The following TP53BP2 variants were observed in gnomAD, a reference collection of about 807,000 sequenced individuals.
TP53BP2 encodes apoptosis-stimulating of p53 protein 2.
Under a neutral mutation model 126.2 loss-of-function variants are expected in TP53BP2, and 62 were observed. The ratio of observed to expected loss-of-function variants is 0.49; its 90% CI spans 0.40 to 0.61. The LOEUF (loss-of-function observed/expected upper bound fraction) is 0.61, where lower values mean the gene tolerates loss of function less well. TP53BP2 is among the 20% of genes least tolerant of loss of function. TP53BP2 has a pLI of 0.00. For synonymous variants in TP53BP2, 485 were observed against 502.9 expected (o/e 0.96, Z 0.48); for missense variants, 1,215 against 1,402.8 (o/e 0.87, Z 2.14).
Position 223,799,984 on chromosome 1 carries a change from T to A in TP53BP2, c.1400A>T (p.Asp467Val). 1 of 1,613,516 alleles carries A rather than the reference T, an allele frequency of 6.2e-7. No individual in the cohort carries two copies. Among genetic ancestry groups the A allele is most frequent in the Non-Finnish European group, 8.5e-7 (1 of 1,179,756 alleles). The part of the protein sequence containing the change: ...EKKVRPFSMF[D>V]AVDQSNAPPS... ...TGGGGCATTGGACTGGTCTACTGCA[T>A]CAAACATTGAGAACGGACGCACTTT... is the stretch of plus-strand genomic sequence containing the variant. Residue 467 changes from aspartate to valine, a missense_variant, in exon 11 of 18, where the codon GAT (aspartate) becomes GTT (valine). This residue lies in a region of TP53BP2 where 814 missense variants were observed against 853.0 expected (regional missense o/e 0.95). Coordinates refer to ENST00000343537, the MANE Select transcript of TP53BP2 (RefSeq NM_001031685.3).
chr1:223,786,044 C>T (rs567132043), intron 16 of TP53BP2, among the ~76,000 whole-genome samples: 3 of 152,056 alleles, frequency 2.0e-5, no homozygotes, highest in Admixed American at 1.3e-4. Context: ...ACATGTCCTT[C>T]GAAAGCAGAA....
In TP53BP2 at chr1:223,845,847, CCAA is replaced by C. The variant is rs1333720665; in HGVS notation, c.-170_-168del. On this transcript the variant is annotated 5_prime_UTR_variant, in exon 1 of 18. Transcript: ENST00000343537. The stretch of plus-strand genomic sequence containing the variant: ...AGGGCCCTCCGCGCGGGCTGGGGCA[CCAA>C]CAAGCCCCGGGCTCCCCCGCCCCGG... 3 of 455,744 alleles carry C rather than the reference CCAA, an allele frequency of 6.6e-6. No homozygotes were observed. Among genetic ancestry groups the C allele is most frequent in the Non-Finnish European group, 1.0e-5 (3 of 294,870 alleles). 28.2% of individuals were successfully genotyped at this position (455,744 alleles called of 1,614,324 possible).
rs1373567679 is a variant in TP53BP2, at chr1:223,780,265, A to G, written c.*588T>C. On this transcript the variant is annotated 3_prime_UTR_variant, in exon 18 of 18. Coordinates refer to ENST00000343537, the MANE Select transcript of TP53BP2 (RefSeq NM_001031685.3). ...ATTACTGGTACCGTAGCTTAGTTTCAATATTTCAAACATATGTATAATTCT... is the reference window on the plus strand; with the variant it reads ...ATTACTGGTACCGTAGCTTAGTTTCGATATTTCAAACATATGTATAATTCT... The G allele has an allele frequency of 6.6e-6, 1 of 152,250 alleles. No individual in the cohort carries two copies. Among genetic ancestry groups the G allele is most frequent in the Non-Finnish European group, 1.5e-5 (1 of 68,042 alleles). The allele number at this position is 152,250 out of a possible 1,614,324, so 9.4% of individuals were successfully genotyped here.
At position 223,797,715 on chromosome 1, in the gene TP53BP2, TTATATA is replaced by T. The variant is rs71866592; in HGVS notation, c.1948+494_1948+499del. On this transcript the variant is annotated intron_variant, in intron 12 of 17. Transcript: ENST00000343537. Reference sequence around the variant, plus strand: ...CGTGAGCCACTGCGCCCAGCCACAGTTATATATAAAGACATATAGACACAGACACAC... The same window carrying T: ...CGTGAGCCACTGCGCCCAGCCACAGTTAAAGACATATAGACACAGACACAC... Among the ~76,000 whole-genome samples, 644 of 152,068 alleles carry T rather than the reference TTATATA, an allele frequency of 4.2e-3. 26 individuals are homozygous for T. The East Asian group carries it at 0.1, about 25-fold the overall frequency.
intron 1 of TP53BP2, chr1:223,845,332 C>T: frequency 2.4e-6 from 2 of 848,676 alleles, no homozygotes; most frequent in Non-Finnish European, 2.8e-6. Context: ...TCAAGAACTG[C>T]AAAAAAGTCA....
At chr1:223,800,560 G>T in intron 10 of TP53BP2, 140 bp downstream of exon 10, 1 of 596,614 alleles carries the variant, frequency 1.7e-6, no homozygotes, top group Non-Finnish European at 2.8e-6. Flanking sequence ...CTCCAGCCTG[G>T]ATGACAAGAG....
rs781742013 is a variant in TP53BP2, at chr1:223,821,263, G to A, written c.132C>T (p.Pro44=). 4.3e-6 allele frequency: 7 copies of A among 1,613,874 alleles called. No individual in the cohort carries two copies. The highest frequency in any genetic ancestry group is 4.0e-5 in the African/African-American group (3 of 74,902). Residue 44 remains proline, a synonymous_variant, in exon 2 of 18, where the codon CCC becomes CCT. Coordinates refer to ENST00000343537, the MANE Select transcript of TP53BP2 (RefSeq NM_001031685.3). ...CRDVVDLCKE[P]GESDCHLAEV... The stretch of plus-strand genomic sequence containing the variant: ...CAGCCAAATGGCAATCACTCTCGCC[G>A]GGTTCTTTGCACAGATCCACCACGT...
In TP53BP2 at chr1:223,780,765, G is replaced by C. The variant is rs1661743338; in HGVS notation, c.*88C>G. The C allele has an allele frequency of 7.9e-7, 1 of 1,259,546 alleles. No individual in the cohort carries two copies. Among genetic ancestry groups the C allele is most frequent in the African/African-American group, 1.5e-5 (1 of 66,922 alleles). The allele number at this position is 1,259,546 out of a possible 1,614,324, so 78.0% of individuals were successfully genotyped here. On this transcript the variant is annotated 3_prime_UTR_variant, in exon 18 of 18. Coordinates refer to ENST00000343537, the MANE Select transcript of TP53BP2 (RefSeq NM_001031685.3). ...TCAAGCTACATTGTCATTAAAATAA[G>C]TCTTGTGAAATTTTTGCCAAAAATA...
At chr1:223,790,204 C>G (rs1662106147) in intron 15 of TP53BP2, among the ~76,000 whole-genome samples, 1 of 151,350 alleles carries the variant, frequency 6.6e-6, no homozygotes, top group African/African-American at 2.4e-5. Context: ...TGCAGTGAGC[C>G]AAGATCACAC....
At chr1:223,813,227 T>C (rs1298087612) in intron 3 of TP53BP2, among the ~76,000 whole-genome samples, 1 of 152,120 alleles carries the variant, frequency 6.6e-6, no homozygotes, top group Non-Finnish European at 1.5e-5. Context: ...CTGCCTTCAT[T>C]CTGGATGACA....
At chr1:223,798,087 A>G (rs552620149) in intron 12 of TP53BP2, 128 bp downstream of exon 12, 6 of 880,216 alleles carry the variant, frequency 6.8e-6, no homozygotes, top group African/African-American at 1.7e-5. Flanking sequence ...AGTAAAGAAC[A>G]GAAGCCACAG....
intron 9 of TP53BP2, 160 bp downstream of exon 9, chr1:223,801,956 T>G (rs968100720): frequency 1.6e-6 from 1 of 633,514 alleles, no homozygotes; most frequent in African/African-American, 1.8e-5. Flanking sequence ...AGGGTATCAA[T>G]TTTAATTTTT....
chr1:223,821,472 G>C, intron 1 of TP53BP2, 105 bp from the exon 2 acceptor site: 1 of 1,456,866 alleles, frequency 6.9e-7, no homozygotes, highest in Non-Finnish European at 9.6e-7. Context: ...AAGTGCAAAC[G>C]TACAACAGAA....
intron 16 of TP53BP2, among the ~76,000 whole-genome samples, chr1:223,786,575 TGTGTGC>T (rs746475667): frequency 2.6e-4 from 34 of 128,434 alleles, no homozygotes; most frequent in Non-Finnish European, 4.0e-4. Flanking sequence ...TGTGTGTGCG[TGTGTGC>T]GTGTGTGTGT....
At chr1:223,797,326 C>G (rs796781103) in intron 12 of TP53BP2, among the ~76,000 whole-genome samples, 7 of 152,188 alleles carry the variant, frequency 4.6e-5, no homozygotes, top group African/African-American at 1.7e-4. Flanking sequence ...ATGTTTAATA[C>G]AAGCTAACCT....
chr1:223,802,060 A>G (rs1048916374), intron 9 of TP53BP2, 56 bp downstream of exon 9: 2 of 1,513,346 alleles, frequency 1.3e-6, no homozygotes, highest in Non-Finnish European at 1.8e-6. Flanking sequence ...TTAAACTCAA[A>G]CTTGGGAGAA....
chr1:223,814,367 G>A lies in TP53BP2; in HGVS notation c.176-14C>T, dbSNP rs776878635. ...CAACTGGACGTTCTAAAGCAAATGA[G>A]TAGAAACCACATTATTTTCAGGTAA... On this transcript the variant is annotated splice_polypyrimidine_tract_variant and intron_variant, in intron 2 of 17. Coordinates refer to ENST00000343537, the MANE Select transcript of TP53BP2 (RefSeq NM_001031685.3). 12 of 1,546,802 alleles carry A rather than the reference G, an allele frequency of 7.8e-6. No homozygotes were observed. The East Asian group carries it at 1.8e-4, about 23-fold the overall frequency.
intron 1 of TP53BP2, among the ~76,000 whole-genome samples, chr1:223,823,032 G>C (rs1663366818): frequency 6.6e-6 from 1 of 152,136 alleles, no homozygotes; most frequent in Non-Finnish European, 1.5e-5. Flanking sequence ...TAAACTTGAG[G>C]GACAAGTTTA....
At chr1:223,841,245 C>CAATAAATAAATAAATA (rs1482499195) in intron 1 of TP53BP2, among the ~76,000 whole-genome samples, 2 of 66,352 alleles carry the variant, frequency 3.0e-5, no homozygotes, top group African/African-American at 1.2e-4. Flanking sequence ...GACTCCGTCT[C>CAATAAATAAATAAATA]AAGAAATAAA....
Sources: gnomAD v4.1 joint callset for allele counts (sites outside exome capture counted in the v4.1 genomes callset) on GRCh38, gnomAD v4.1.1 for gene constraint, gnomAD v4.1.1 regional missense constraint, MANE v1.5 for transcripts, NCBI Gene and HGNC (gene_info 2026-07-23, HGNC 2026-07-21) for gene names.